The following IQSEC1 variants were observed in gnomAD, a reference collection of about 807,000 sequenced individuals.
IQSEC1 encodes IQ motif and SEC7 domain-containing protein 1.
In IQSEC1, 31 loss-of-function variants were observed where a neutral mutation model predicts 91.0. The ratio of observed to expected loss-of-function variants is 0.34; its 90% CI spans 0.26 to 0.46. The LOEUF (loss-of-function observed/expected upper bound fraction) is 0.46. IQSEC1 is among the 20% of genes least tolerant of loss of function. IQSEC1 has a pLI of 1.00. For synonymous variants in IQSEC1, 699 were observed against 662.6 expected, an observed-to-expected ratio of 1.05 and a Z score of -0.84; for missense variants, 1,388 against 1,575.6, an observed-to-expected ratio of 0.88 and a Z score of 2.02.
chr3:12,923,653 G>C (rs1696838126), intron 4 of IQSEC1, among the ~76,000 whole-genome samples: 1 of 152,136 alleles, frequency 6.6e-6, no homozygotes, highest in South Asian at 2.1e-4. Context: ...CCACCCATGA[G>C]ACAAAAAGGG....
At chr3:12,907,640 G>C (rs551788052) in intron 12 of IQSEC1, among the ~76,000 whole-genome samples, 1 of 152,232 alleles carries the variant, frequency 6.6e-6, no homozygotes, top group Non-Finnish European at 1.5e-5. Context: ...GGAGAGCCTG[G>C]GCCACAGCTG....
At chr3:12,966,607 C>T (rs1427224342) in intron 1 of IQSEC1, among the ~76,000 whole-genome samples, 1 of 152,114 alleles carries the variant, frequency 6.6e-6, no homozygotes, top group Non-Finnish European at 1.5e-5. Context: ...GCCCACAGGC[C>T]CCTAAGTAGA....
intron 1 of IQSEC1, among the ~76,000 whole-genome samples, chr3:13,173,381 A>G (rs1249066163): frequency 6.6e-6 from 1 of 152,190 alleles, no homozygotes; most frequent in African/African-American, 2.4e-5. Context: ...ATAGGACCTC[A>G]GCACCTGCAG....
At position 13,193,704 on chromosome 3, in the gene IQSEC1, C is replaced by G. The variant is rs949482003; in HGVS notation, c.273-29571G>C. 2.6e-5 allele frequency among the ~76,000 whole-genome samples: 4 copies of G among 152,158 alleles called. No homozygotes were observed. The highest frequency in any genetic ancestry group is 9.7e-5 in the African/African-American group (4 of 41,432). ...TGGAGACCAAAGGCTGATGTCAGAG[C>G]TTAAGCCTCCCTCCTCCAACGGGCT... On this transcript the variant is annotated intron_variant, in intron 1 of 15. Coordinates refer to the IQSEC1 transcript ENST00000648114. This position sits in a 1 kb window ranked among gnomAD's most constrained non-coding sequence, Gnocchi z 4.2.
chr3:13,155,580 T>C (rs1329042953), intron 2 of IQSEC1, among the ~76,000 whole-genome samples: 2 of 152,198 alleles, frequency 1.3e-5, no homozygotes, highest in Non-Finnish European at 2.9e-5. Context: ...CTTCTCCAAC[T>C]CTTCCAAAAA....
intron 1 of IQSEC1, among the ~76,000 whole-genome samples, chr3:13,037,571 T>G (rs920708749): frequency 1.3e-5 from 2 of 152,200 alleles, no homozygotes; most frequent in Non-Finnish European, 2.9e-5. Flanking sequence ...CCCATGTTCA[T>G]AGCAGCACTA....
upstream of IQSEC1, among the ~76,000 whole-genome samples, chr3:13,073,744 C>T (rs527295109): frequency 1.3e-5 from 2 of 152,376 alleles, no homozygotes; most frequent in South Asian, 2.1e-4. Context: ...GCGGAGCTCT[C>T]GGGGCTCTGG....
intron 1 of IQSEC1, among the ~76,000 whole-genome samples, chr3:12,978,977 G>T (rs1263082819): frequency 6.6e-6 from 1 of 152,220 alleles, no homozygotes; most frequent in Non-Finnish European, 1.5e-5. Flanking sequence ...AAATATTCCT[G>T]TAGTTCTGCA....
chr3:13,112,634 C>A (rs1706267448), intron 2 of IQSEC1, among the ~76,000 whole-genome samples: 1 of 152,260 alleles, frequency 6.6e-6, no homozygotes, highest in African/African-American at 2.4e-5. Flanking sequence ...CGGCAGGAGC[C>A]TCGCACAGAC....
intron 10 of IQSEC1, among the ~76,000 whole-genome samples, chr3:12,911,149 C>G (rs1575870538): frequency 1.3e-5 from 2 of 152,298 alleles, no homozygotes; most frequent in Middle Eastern, 6.8e-3. Context: ...TACCTTACAA[C>G]CCAGGCAACA....
At chr3:13,051,486 G>C (rs1704688923) in intron 1 of IQSEC1, among the ~76,000 whole-genome samples, 1 of 152,188 alleles carries the variant, frequency 6.6e-6, no homozygotes. Flanking sequence ...CAGGGGCAGG[G>C]ATCTTGGGGT....
intron 1 of IQSEC1, among the ~76,000 whole-genome samples, chr3:13,253,198 T>A (rs7636517): frequency 0.17 from 26,594 of 152,194 alleles, 3,561 homozygotes; most frequent in African/African-American, 0.38. Flanking sequence ...TATAGGATAG[T>A]TACCATTATT....
intron 1 of IQSEC1, among the ~76,000 whole-genome samples, chr3:12,947,624 C>A (rs906845901): frequency 1.3e-5 from 2 of 152,210 alleles, no homozygotes; most frequent in African/African-American, 2.4e-5. Flanking sequence ...TGCTCCTTCC[C>A]ATGAGATGAG....
intron 1 of IQSEC1, among the ~76,000 whole-genome samples, chr3:13,232,027 C>T (rs888965686): frequency 9.8e-5 from 15 of 152,358 alleles, no homozygotes; most frequent in African/African-American, 3.1e-4. Flanking sequence ...AGTGCACTGA[C>T]GTGTTGAAAC....
intron 2 of IQSEC1, among the ~76,000 whole-genome samples, chr3:13,124,958 C>A (rs966135031): frequency 6.6e-6 from 1 of 152,176 alleles, no homozygotes; most frequent in African/African-American, 2.4e-5. Flanking sequence ...TCATGTTTGG[C>A]CAGGGCATCA....
rs535542665 is a variant in IQSEC1, at chr3:12,970,090, A to G, written c.24-28225T>C. 6.6e-6 allele frequency among the ~76,000 whole-genome samples: 1 copy of G among 152,376 alleles called. No individual in the cohort carries two copies. Among genetic ancestry groups the G allele is most frequent in the African/African-American group, 2.4e-5 (1 of 41,592 alleles). ...TCTGAGTCTCAGTTTCTGCAACTGT[A>G]AAGAGTGGCTTAGCAGCCACCTCTA... On this transcript the variant is annotated intron_variant, in intron 1 of 13. Transcript: ENST00000613206. The surrounding 1 kb of genome is among the most constrained non-coding windows in gnomAD (Gnocchi z 4.4).
At chr3:12,937,300 C>T (rs540429096) in intron 2 of IQSEC1, among the ~76,000 whole-genome samples, 1 of 152,308 alleles carries the variant, frequency 6.6e-6, no homozygotes, top group East Asian at 1.9e-4. Context: ...TCACAGAAGC[C>T]CCTGGCCCTG....
chr3:13,133,889 C>T (rs1280381166), intron 2 of IQSEC1, among the ~76,000 whole-genome samples: 3 of 152,142 alleles, frequency 2.0e-5, no homozygotes, highest in East Asian at 1.9e-4. Context: ...TCCCCACCAC[C>T]GGGCCTGCAC....
intron 1 of IQSEC1, among the ~76,000 whole-genome samples, chr3:12,960,093 G>A (rs1264385590): frequency 2.0e-5 from 3 of 152,112 alleles, no homozygotes; most frequent in Non-Finnish European, 2.9e-5. Flanking sequence ...TGGAAATAGC[G>A]GCACTGCAAT....
Sources: allele counts gnomAD v4.1 joint callset (sites outside exome capture counted in the v4.1 genomes callset), GRCh38; gene constraint gnomAD v4.1.1; non-coding constraint Gnocchi (gnomAD v3.1); transcripts MANE v1.5; gene names NCBI Gene and HGNC (gene_info 2026-07-23, HGNC 2026-07-21).